Variants in KRT28 observed in about 807,000 individuals in gnomAD.
The protein encoded by KRT28 is keratin, type I cytoskeletal 28.
A neutral mutation model predicts 48.1 loss-of-function variants in KRT28; 45 were observed. The observed-to-expected ratio is 0.94, with a 90% confidence interval of 0.74 to 1.20. KRT28 has a LOEUF of 1.20. Among genes scored for constraint, KRT28 ranks in the 50% most tolerant of loss-of-function variants. The pLI, the probability that KRT28 is intolerant of heterozygous loss-of-function variation, is 0.00. For missense variants in KRT28, 571 were observed against 574.1 expected (o/e 0.99, Z 0.06); for synonymous variants, 228 against 227.4 (o/e 1.00, Z -0.03).
intron 3 of KRT28, 71 bp downstream of exon 3, chr17:40,798,164 A>G: frequency 6.9e-7 from 1 of 1,444,088 alleles, no homozygotes; most frequent in Non-Finnish European, 9.5e-7. Context: ...TTGTGATTTT[A>G]ACCCCCAACC....
intron 2 of KRT28, 132 bp downstream of exon 2, chr17:40,798,785 A>G (rs1483850792): frequency 1.6e-6 from 1 of 639,582 alleles, no homozygotes; most frequent in Non-Finnish European, 2.7e-6. Flanking sequence ...GTAACATTAT[A>G]ATACAAATCC....
intron 7 of KRT28, among the ~76,000 whole-genome samples, chr17:40,792,839 C>T (rs997661872): frequency 6.6e-6 from 1 of 152,182 alleles, no homozygotes; most frequent in Non-Finnish European, 1.5e-5. Flanking sequence ...AGGGCTCATG[C>T]TTGTGATCCT....
In KRT28 at chr17:40,798,259, T is replaced by A. The variant is rs768666844; in HGVS notation, c.666A>T (p.Thr222=). The change falls in exon 3 of 8, where the codon ACA becomes ACT. Residue 222 remains threonine, a synonymous_variant. Transcript: ENST00000306658. ...LQYESLSEEM[T]YLKKNHEEEM... Reference sequence around the variant, plus strand: ...CCTCTTCGTGGTTCTTTTTGAGATATGTCATCTCCTCACTCAGAGACTCAT... The same window carrying A: ...CCTCTTCGTGGTTCTTTTTGAGATAAGTCATCTCCTCACTCAGAGACTCAT... 6.2e-7 allele frequency: 1 copy of A among 1,608,056 alleles called. No homozygotes were observed. The highest frequency in any genetic ancestry group is 8.5e-7 in the Non-Finnish European group (1 of 1,174,886).
chr17:40,794,491 C>T (rs1400370440), intron 5 of KRT28, among the ~76,000 whole-genome samples: 1 of 152,092 alleles, frequency 6.6e-6, no homozygotes, highest in Non-Finnish European at 1.5e-5. Context: ...GCCTTTTGTG[C>T]TACTGCTTTT....
intron 2 of KRT28, 120 bp from the exon 3 acceptor site, chr17:40,798,511 A>G (rs1165052441): frequency 2.7e-6 from 3 of 1,092,478 alleles, no homozygotes; most frequent in Non-Finnish European, 3.8e-6. Flanking sequence ...AAATAGTATA[A>G]AAATATATGA....
Position 40,793,840 on chromosome 17 carries a change from A to G in KRT28, c.1185T>C (p.Asp395=). Reference sequence around the variant, plus strand: ...ATGGCTTTACTTACTTTCCATCTCCATCTATCAGGCGGCAGTAGGTCTCAA... The same window carrying G: ...ATGGCTTTACTTACTTTCCATCTCCGTCTATCAGGCGGCAGTAGGTCTCAA... The part of the protein sequence containing the change: ...KEIETYCRLI[D]GDGNSCSKSK... The change falls in exon 6 of 8, where the codon GAT becomes GAC. Residue 395 remains aspartate, a synonymous_variant. Transcript: ENST00000306658. 1 of 1,614,002 alleles carries G rather than the reference A, an allele frequency of 6.2e-7. No homozygotes were observed. The highest frequency in any genetic ancestry group is 8.5e-7 in the Non-Finnish European group (1 of 1,179,868).
At position 40,793,141 on chromosome 17, in the gene KRT28, C is replaced by A; in HGVS notation, c.1252+14G>T. Reference sequence around the variant, plus strand: ...AGAAAAGAAAAGAAAAGAAATAGAACTAGATTTTATTACCTTTAGATGAAT... The same window carrying A: ...AGAAAAGAAAAGAAAAGAAATAGAAATAGATTTTATTACCTTTAGATGAAT... On this transcript the variant is annotated intron_variant, in intron 7 of 7. Transcript: ENST00000306658. The A allele has an allele frequency of 2.6e-6, 4 of 1,515,006 alleles. No homozygotes were observed. The highest frequency in any genetic ancestry group is 2.4e-5 in the East Asian group (1 of 42,016). The allele number at this position is 1,515,006 out of a possible 1,614,324, so 93.8% of individuals were successfully genotyped here.
chr17:40,798,974 G>A lies in KRT28; in HGVS notation c.476C>T (p.Ala159Val), dbSNP rs1161876157. The change falls in exon 2 of 8, where the codon GCT becomes GTT. Residue 159 changes from alanine (A) to valine (V), a missense_variant. Ala to Val is a moderately conservative substitution (Grantham distance 64, BLOSUM62 0). Coordinates refer to ENST00000306658, the MANE Select transcript of KRT28 (RefSeq NM_181535.3). ...NKIISSTTTN[A>V]NVILQIDNAR... The stretch of plus-strand genomic sequence containing the variant: ...ATTATCAATCTGCAGAATGACATTA[G>A]CATTAGTAGTAGTGGAGGAGATAAT... The A allele has an allele frequency of 1.9e-6, 3 of 1,605,924 alleles. No homozygotes were observed. Among genetic ancestry groups the A allele is most frequent in the Non-Finnish European group, 2.6e-6 (3 of 1,175,172 alleles).
chr17:40,793,708 G>C lies in KRT28; in HGVS notation c.1196+121C>G, dbSNP rs1009827203. 9 of 902,620 alleles carry C rather than the reference G, an allele frequency of 1.0e-5. No homozygotes were observed. In the East Asian group the frequency reaches 2.0e-4, roughly 20 times the overall value. 55.9% of individuals were successfully genotyped at this position (902,620 alleles called of 1,614,324 possible). A position where few individuals can be genotyped will look rare whatever the true frequency, so the allele number is the denominator to read the frequency against. On this transcript the variant is annotated intron_variant, in intron 6 of 7. Coordinates refer to ENST00000306658, the MANE Select transcript of KRT28 (RefSeq NM_181535.3). ...CTCTCTTCCAAAAAAACAAGAGATG[G>C]ACATGCTTTTCTGCAGTGGGAATGA... is the stretch of plus-strand genomic sequence containing the variant.
intron 6 of KRT28, 102 bp from the exon 7 acceptor site, chr17:40,793,312 T>C (rs979508775): frequency 1.6e-5 from 11 of 678,798 alleles, no homozygotes; most frequent in South Asian, 2.6e-5. Flanking sequence ...AAAACAGGTC[T>C]TAGTTTTCTA....
chr17:40,796,794 T>G, intron 5 of KRT28, 122 bp downstream of exon 5: 1 of 1,321,338 alleles, frequency 7.6e-7, no homozygotes, highest in Non-Finnish European at 1.0e-6. Context: ...TCTCCTCCAC[T>G]CTCTCTGCTA....
chr17:40,794,473 G>T (rs1904568005), intron 5 of KRT28, among the ~76,000 whole-genome samples: 2 of 152,108 alleles, frequency 1.3e-5, no homozygotes, highest in Admixed American at 6.5e-5. Context: ...CTCCGCTAGT[G>T]TTCCATGGCC....
chr17:40,798,349 G>A lies in KRT28; in HGVS notation c.576C>T (p.Asp192=). 2 of 1,612,682 alleles carry A rather than the reference G, an allele frequency of 1.2e-6. No homozygotes were observed. Among genetic ancestry groups the A allele is most frequent in the Non-Finnish European group, 1.7e-6 (2 of 1,179,212 alleles). ...ELTLHQNVEA[D]INGLRRVLDE... is the part of the protein sequence containing the mutation. Reference sequence around the variant, plus strand: ...CCAGGACTCGCCGTAATCCGTTGATGTCGGCCTCTACGTTTTGGTGAAGGG... The same window carrying A: ...CCAGGACTCGCCGTAATCCGTTGATATCGGCCTCTACGTTTTGGTGAAGGG... Residue 192 remains aspartate (D), a synonymous_variant, in exon 3 of 8, where the codon GAC becomes GAT. Coordinates refer to ENST00000306658, the MANE Select transcript of KRT28 (RefSeq NM_181535.3).
At position 40,799,904 on chromosome 17, in the gene KRT28, G is replaced by T; in HGVS notation, c.-11C>A. ...AAATTGGAGAGACATGGTGTTTTGA[G>T]AAATGTTCACCTTGTCTATGCAAAA... On this transcript the variant is annotated 5_prime_UTR_variant, in exon 1 of 8. Coordinates refer to ENST00000306658, the MANE Select transcript of KRT28 (RefSeq NM_181535.3). 1.3e-6 allele frequency: 2 copies of T among 1,595,384 alleles called. No individual in the cohort carries two copies. The highest frequency in any genetic ancestry group is 1.7e-6 in the Non-Finnish European group (2 of 1,169,038).
chr17:40,796,774 T>C (rs1445056328), intron 5 of KRT28, 142 bp downstream of exon 5: 5 of 1,152,740 alleles, frequency 4.3e-6, no homozygotes, highest in Admixed American at 5.1e-5. Context: ...ATGCATCTGT[T>C]TTTTCCTGCT....
At chr17:40,795,157 T>C (rs2143070734) in intron 5 of KRT28, among the ~76,000 whole-genome samples, 1 of 152,292 alleles carries the variant, frequency 6.6e-6, no homozygotes, top group South Asian at 2.1e-4. Context: ...TAACACTGAC[T>C]TAGAGCTACT....
In KRT28 at chr17:40,799,791, C is replaced by A. The variant is rs769997190; in HGVS notation, c.103G>T (p.Ala35Ser). The part of the protein sequence containing the change: ...NGGAGFAGSS[A>S]CGGSVAGSEF... ...CTTCCAGCAACAGAGCCACCACATG[C>A]ACTGCTGCCTGCAAAGCCTGCACCT... The change falls in exon 1 of 8, where the codon GCA becomes TCA. Residue 35 changes from alanine to serine, a missense_variant. By Grantham distance (99) the Ala-to-Ser change is moderately conservative. Coordinates refer to ENST00000306658, the MANE Select transcript of KRT28 (RefSeq NM_181535.3). 18 of 1,613,968 alleles carry A rather than the reference C, an allele frequency of 1.1e-5. No homozygotes were observed. In the South Asian group the frequency reaches 1.8e-4, roughly 16 times the overall value.
intron 5 of KRT28, 129 bp from the exon 6 acceptor site, chr17:40,794,175 A>T (rs186578561): frequency 8.6e-5 from 94 of 1,092,638 alleles, no homozygotes; most frequent in Non-Finnish European, 1.2e-4. Context: ...GTCACAATCA[A>T]ATGGGAAAGA....
chr17:40,794,981 C>G (rs1390033156), intron 5 of KRT28, among the ~76,000 whole-genome samples: 5 of 152,152 alleles, frequency 3.3e-5, no homozygotes, highest in Non-Finnish European at 7.4e-5. Context: ...TACATTTTAT[C>G]TTAAAATACT....
Sources: gnomAD v4.1 joint callset for allele counts (sites outside exome capture counted in the v4.1 genomes callset) on GRCh38, gnomAD v4.1.1 for gene constraint, MANE v1.5 for transcripts, NCBI Gene and HGNC (gene_info 2026-07-23, HGNC 2026-07-21) for gene names.